Variants in PRRX1 observed in about 807,000 individuals in gnomAD.
PRRX1 encodes paired mesoderm homeobox protein 1.
In PRRX1, 8 loss-of-function variants were observed where a neutral mutation model predicts 24.0. The observed-to-expected ratio is 0.33, with a 90% CI of 0.20 to 0.60. PRRX1 has a LOEUF of 0.60. PRRX1 is among the 20% of genes least tolerant of loss of function. PRRX1 has a pLI of 0.82. For synonymous variants in PRRX1, 160 were observed against 131.7 expected, an observed-to-expected ratio of 1.22 and a Z score of -1.47; for missense variants, 281 against 322.4, an observed-to-expected ratio of 0.87 and a Z score of 0.98.
intron 1 of PRRX1, among the ~76,000 whole-genome samples, chr1:170,706,641 A>G (rs1023197042): frequency 2.0e-5 from 3 of 152,212 alleles, no homozygotes; most frequent in African/African-American, 7.2e-5. Flanking sequence ...AAAATGTGGG[A>G]AAGAGTATAA....
At chr1:170,702,456 T>C (rs1654417018) in intron 1 of PRRX1, among the ~76,000 whole-genome samples, 1 of 152,186 alleles carries the variant, frequency 6.6e-6, no homozygotes, top group Non-Finnish European at 1.5e-5. Context: ...GAAGTGGGTT[T>C]GTCGGACTCC....
At chr1:170,715,785 A>G (rs752605655) in intron 1 of PRRX1, among the ~76,000 whole-genome samples, 4 of 152,242 alleles carry the variant, frequency 2.6e-5, no homozygotes, top group Non-Finnish European at 5.9e-5. Context: ...ATTCTGGTAG[A>G]AAGGACAACA....
In PRRX1 at chr1:170,673,540, T is replaced by A. The variant is rs1653210068; in HGVS notation, c.241+9081T>A. On this transcript the variant is annotated intron_variant, in intron 1 of 3. Coordinates refer to ENST00000239461, the MANE Select transcript of PRRX1 (RefSeq NM_022716.4). ...TCTAGGCCCACCATTTTAATAACCA[T>A]CTATATACTAACCACTCCCAGTTTA... 1.3e-5 allele frequency among the ~76,000 whole-genome samples: 2 copies of A among 152,176 alleles called. 1 individual carries two copies. The highest frequency in any genetic ancestry group is 4.1e-4 in the South Asian group (2 of 4,828).
At chr1:170,694,274 T>C (rs1654087906) in intron 1 of PRRX1, among the ~76,000 whole-genome samples, 1 of 152,152 alleles carries the variant, frequency 6.6e-6, no homozygotes, top group African/African-American at 2.4e-5. Context: ...AATTCAGAGT[T>C]GAAAGAGAGC....
chr1:170,677,144 G>A (rs112680455), intron 1 of PRRX1, among the ~76,000 whole-genome samples: 96 of 152,276 alleles, frequency 6.3e-4, no homozygotes, highest in Non-Finnish European at 9.3e-4. Flanking sequence ...ATTTAGACAC[G>A]TTAGGAGTCT....
intron 1 of PRRX1, among the ~76,000 whole-genome samples, chr1:170,707,181 A>T (rs1431487497): frequency 1.3e-5 from 2 of 152,098 alleles, no homozygotes; most frequent in African/African-American, 4.8e-5. Flanking sequence ...AGGAAAGAAA[A>T]TTGTAATAAT....
At chr1:170,682,928 T>C (rs1008030217) in intron 1 of PRRX1, among the ~76,000 whole-genome samples, 6 of 152,154 alleles carry the variant, frequency 3.9e-5, no homozygotes, top group Non-Finnish European at 8.8e-5. Context: ...GAACAGCAAG[T>C]GCAAAGGCCC....
intron 1 of PRRX1, among the ~76,000 whole-genome samples, chr1:170,712,959 A>G (rs188854502): frequency 1.3e-5 from 2 of 152,318 alleles, no homozygotes; most frequent in African/African-American, 4.8e-5. Flanking sequence ...TAATTCATCC[A>G]TAGAAAAATT....
At chr1:170,699,672 A>C (rs1396161038) in intron 1 of PRRX1, among the ~76,000 whole-genome samples, 1 of 152,204 alleles carries the variant, frequency 6.6e-6, no homozygotes, top group African/African-American at 2.4e-5. Flanking sequence ...ACTGAGATTC[A>C]TACCTTTCAC....
intron 1 of PRRX1, among the ~76,000 whole-genome samples, chr1:170,686,502 A>G (rs749985154): frequency 1.3e-5 from 2 of 152,124 alleles, no homozygotes; most frequent in Non-Finnish European, 2.9e-5. Flanking sequence ...GAAAAATGTG[A>G]CCTGCCAAGG....
chr1:170,730,236 C>A (rs76156084), intron 3 of PRRX1: 2 of 1,503,172 alleles, frequency 1.3e-6, no homozygotes, highest in Admixed American at 1.7e-5. Context: ...ATCTGCTGAA[C>A]GCATTTGGCT....
intron 1 of PRRX1, among the ~76,000 whole-genome samples, chr1:170,713,621 AC>A (rs1388333969): frequency 6.6e-6 from 1 of 152,196 alleles, no homozygotes; most frequent in African/African-American, 2.4e-5. Flanking sequence ...TCTACACAGA[AC>A]CACTGTTGCT....
In PRRX1 at chr1:170,738,694, A is replaced by C. The variant is rs187706632; in HGVS notation, c.*2508A>C. 4.4e-6 allele frequency: 1 copy of C among 228,408 alleles called. No homozygotes were observed. Among genetic ancestry groups the C allele is most frequent in the African/African-American group, 2.2e-5 (1 of 45,228 alleles). The allele number at this position is 228,408 out of a possible 1,614,324, so 14.1% of individuals were successfully genotyped here. Reference sequence around the variant, plus strand: ...AGGGAGGGAACAGAAATCATACATGAAAAGGTTTTACTGAGAAGGGGAAAA... The same window carrying C: ...AGGGAGGGAACAGAAATCATACATGCAAAGGTTTTACTGAGAAGGGGAAAA... On this transcript the variant is annotated 3_prime_UTR_variant, in exon 4 of 4. Transcript: ENST00000239461.
intron 1 of PRRX1, among the ~76,000 whole-genome samples, chr1:170,694,080 G>T (rs1454146426): frequency 6.6e-6 from 1 of 151,918 alleles, no homozygotes; most frequent in Non-Finnish European, 1.5e-5. Context: ...CACATACTTT[G>T]GTTTCCAGGT....
intron 1 of PRRX1, among the ~76,000 whole-genome samples, chr1:170,677,430 T>C (rs1449695697): frequency 6.6e-6 from 1 of 152,238 alleles, no homozygotes; most frequent in Non-Finnish European, 1.5e-5. Flanking sequence ...GTGGGAATGG[T>C]AGTAGGGTAC....
chr1:170,669,663 C>A (rs1357197762), intron 1 of PRRX1, among the ~76,000 whole-genome samples: 1 of 151,952 alleles, frequency 6.6e-6, no homozygotes, highest in Middle Eastern at 3.2e-3. Flanking sequence ...ACCACACCAC[C>A]ATCGCAGACC....
intron 1 of PRRX1, among the ~76,000 whole-genome samples, chr1:170,711,458 T>C (rs1312276287): frequency 6.6e-6 from 1 of 152,180 alleles, no homozygotes; most frequent in Non-Finnish European, 1.5e-5. Context: ...GCTCCATCAC[T>C]CCTGTCCTTC....
chr1:170,704,281 T>C (rs1258388717), intron 1 of PRRX1, among the ~76,000 whole-genome samples: 3 of 152,214 alleles, frequency 2.0e-5, no homozygotes, highest in Non-Finnish European at 4.4e-5. Flanking sequence ...CTCTCAACGC[T>C]GGGAAGTTAT....
At chr1:170,674,962 C>T (rs1392183874) in intron 1 of PRRX1, among the ~76,000 whole-genome samples, 1 of 152,190 alleles carries the variant, frequency 6.6e-6, no homozygotes, top group Non-Finnish European at 1.5e-5. Context: ...TAACATTCTT[C>T]ATTATTGATT....
Sources: gnomAD v4.1 joint callset for allele counts (sites outside exome capture counted in the v4.1 genomes callset) on GRCh38, gnomAD v4.1.1 for gene constraint, MANE v1.5 for transcripts, NCBI Gene and HGNC (gene_info 2026-07-23, HGNC 2026-07-21) for gene names.